Variants in RPS6KA3 observed in about 807,000 individuals in gnomAD.
RPS6KA3 encodes the protein ribosomal protein S6 kinase alpha-3.
In RPS6KA3, 4 loss-of-function variants were observed where a neutral mutation model predicts 67.2. The observed-to-expected ratio is 0.06, with a 90% CI of 0.03 to 0.14. RPS6KA3 has a LOEUF of 0.14. RPS6KA3 is among the 10% of genes least tolerant of loss of function. The pLI is 1.00. For synonymous variants in RPS6KA3, 182 were observed against 183.7 expected (o/e 0.99, Z 0.07); for missense variants, 204 against 559.0 (o/e 0.36, Z 6.40).
At chrX:20,241,514 G>A (rs746254319) in intron 1 of RPS6KA3, 1 of 103,947 alleles carries the variant, frequency 9.6e-6, no homozygotes, top group Non-Finnish European at 2.0e-5. Flanking sequence ...AATAACAGAT[G>A]TTCCTAAAGA....
chrX:20,248,368 G>A (rs1232848328), intron 1 of RPS6KA3, among the ~76,000 whole-genome samples: 1 of 112,596 alleles, frequency 8.9e-6, no homozygotes, highest in Non-Finnish European at 1.9e-5. Flanking sequence ...CATGATGCTG[G>A]TTATTGGTTT....
At chrX:20,222,742 G>A (rs1256853502) in intron 2 of RPS6KA3, among the ~76,000 whole-genome samples, 1 of 111,374 alleles carries the variant, frequency 9.0e-6, no homozygotes, top group East Asian at 2.8e-4. Flanking sequence ...TGTCCAATGC[G>A]GTATCATTAG....
At chrX:20,212,100 G>A (rs780083933) in intron 2 of RPS6KA3, among the ~76,000 whole-genome samples, 1 of 111,738 alleles carries the variant, frequency 8.9e-6, no homozygotes, top group South Asian at 3.7e-4. Flanking sequence ...CTTAAATAGT[G>A]TGAGCTACAA....
rs747557828 is a variant in RPS6KA3, at chrX:20,234,866, T to TA, written c.70-53dup. ...TTACCAAAACAGACCTCACATCAGT[T>TA]AAAGTTAAATGAAGGCAGACAAAAA... On this transcript the variant is annotated intron_variant, in intron 1 of 21. Transcript: ENST00000379565. 16 of 957,162 alleles carry TA rather than the reference T, an allele frequency of 1.7e-5. No homozygotes were observed. In the African/African-American group the frequency reaches 1.8e-4, roughly 11 times the overall value. The allele number at this position is 957,162 out of a possible 1,213,427, so 78.9% of individuals were successfully genotyped here.
chrX:20,153,599 A>G lies in RPS6KA3; in HGVS notation c.*1799T>C, dbSNP rs2067137295. ...GCTTATTACATGATGACTAACAAAA[A>G]TCTGTATGAGTACATTCTTTTTTTT... On this transcript the variant is annotated 3_prime_UTR_variant, in exon 22 of 22. Transcript: ENST00000379565. 9.1e-6 allele frequency: 1 copy of G among 110,287 alleles called. No homozygotes were observed. Among genetic ancestry groups the G allele is most frequent in the Non-Finnish European group, 1.9e-5 (1 of 52,744 alleles). 9.1% of individuals were successfully genotyped at this position (110,287 alleles called of 1,213,427 possible).
At chrX:20,248,830 C>G (rs1037730920) in intron 1 of RPS6KA3, among the ~76,000 whole-genome samples, 2 of 111,968 alleles carry the variant, frequency 1.8e-5, no homozygotes, top group East Asian at 5.5e-4. Flanking sequence ...GTACAATGCA[C>G]AGATCCTACT....
intron 16 of RPS6KA3, among the ~76,000 whole-genome samples, chrX:20,168,452 T>C (rs2067493401): frequency 9.0e-6 from 1 of 111,046 alleles, no homozygotes; most frequent in Non-Finnish European, 1.9e-5. Context: ...GAGCATCAGG[T>C]GTATGAGAAA....
intron 20 of RPS6KA3, among the ~76,000 whole-genome samples, chrX:20,161,092 C>T (rs991133146): frequency 8.9e-6 from 1 of 111,813 alleles, no homozygotes; most frequent in African/African-American, 3.3e-5. Context: ...CATGCAGATG[C>T]TATGAAACTA....
Position 20,175,188 on chromosome X carries a change from T to G in RPS6KA3, c.1203A>C (p.Thr401=), listed in dbSNP as rs1347292321. The G allele has an allele frequency of 5.0e-6, 6 of 1,206,568 alleles. No homozygotes were observed. Among genetic ancestry groups the G allele is most frequent in the Non-Finnish European group, 6.7e-6 (6 of 891,528 alleles). ...TSDDESQAMQ[T]VGVHSIVQQL... is the part of the protein sequence containing the mutation. ...CCTGAACAATTGAATGTACACCAACTGTCTGCATAGCTTGGCTTTCATCAT... is the reference window on the plus strand; with the variant it reads ...CCTGAACAATTGAATGTACACCAACGGTCTGCATAGCTTGGCTTTCATCAT... Residue 401 remains threonine (T), a synonymous_variant, in exon 14 of 22, where the codon ACA becomes ACC. Transcript: ENST00000379565.
intron 1 of RPS6KA3, among the ~76,000 whole-genome samples, chrX:20,239,630 G>A (rs976620688): frequency 9.0e-6 from 1 of 111,640 alleles, no homozygotes; most frequent in African/African-American, 3.2e-5. Context: ...TACTTTGTTA[G>A]CCTGAAATGT....
chrX:20,219,015 A>T (rs1264451806), intron 2 of RPS6KA3: 1 of 410,070 alleles, frequency 2.4e-6, no homozygotes, highest in African/African-American at 2.5e-5. Flanking sequence ...TCCTGTGGTA[A>T]AAGAAAGAAG....
chrX:20,223,315 G>A (rs2069030465), intron 2 of RPS6KA3, among the ~76,000 whole-genome samples: 1 of 111,159 alleles, frequency 9.0e-6, no homozygotes, highest in Admixed American at 9.6e-5. Flanking sequence ...TATGTTTTGG[G>A]ACAACTTAAA....
At chrX:20,174,704 C>T (rs1018390210) in intron 14 of RPS6KA3, among the ~76,000 whole-genome samples, 8 of 110,114 alleles carry the variant, frequency 7.3e-5, no homozygotes, top group Admixed American at 2.9e-4. Context: ...GCAACCTTTT[C>T]GATGACATAT....
chrX:20,155,162 A>C lies in RPS6KA3; in HGVS notation c.*236T>G. On this transcript the variant is annotated 3_prime_UTR_variant, in exon 22 of 22. Coordinates refer to ENST00000379565, the MANE Select transcript of RPS6KA3 (RefSeq NM_004586.3). ...TATTTTTCTCATTGATTCAGTGACT[A>C]TATCTTCATCATGTTTCCATTTTCA... The C allele has an allele frequency of 2.4e-6, 1 of 418,242 alleles. No homozygotes were observed. The highest frequency in any genetic ancestry group is 3.3e-5 in the South Asian group (1 of 30,465). 34.5% of individuals were successfully genotyped at this position (418,242 alleles called of 1,213,427 possible). A position where few individuals can be genotyped will look rare whatever the true frequency, so the allele number is the denominator to read the frequency against.
At position 20,176,877 on chromosome X, in the gene RPS6KA3, C is replaced by T. The variant is rs191224220; in HGVS notation, c.934+119G>A. The T allele has an allele frequency of 2.6e-5, 15 of 566,596 alleles. No individual in the cohort carries two copies. Among genetic ancestry groups the T allele is most frequent in the East Asian group, 2.2e-4 (6 of 27,654 alleles). The allele number at this position is 566,596 out of a possible 1,213,427, so 46.7% of individuals were successfully genotyped here. A position where few individuals can be genotyped will look rare whatever the true frequency, so the allele number is the denominator to read the frequency against. On this transcript the variant is annotated intron_variant, in intron 11 of 21. Transcript: ENST00000379565. Reference sequence around the variant, plus strand: ...AAAGTGCTGGGATTACAGGCGTGAGCCACCAGGCCTAGCCTTGTCTAAATA... The same window carrying T: ...AAAGTGCTGGGATTACAGGCGTGAGTCACCAGGCCTAGCCTTGTCTAAATA...
Position 20,194,177 on chromosome X carries a change from T to C in RPS6KA3, c.486+12A>G, listed in dbSNP as rs1332674106. 1.9e-6 allele frequency: 2 copies of C among 1,069,679 alleles called. No homozygotes were observed. The highest frequency in any genetic ancestry group is 2.6e-6 in the Non-Finnish European group (2 of 767,488). The allele number at this position is 1,069,679 out of a possible 1,213,427, so 88.2% of individuals were successfully genotyped here. A position where few individuals can be genotyped will look rare whatever the true frequency, so the allele number is the denominator to read the frequency against. On this transcript the variant is annotated intron_variant, in intron 6 of 21. Coordinates refer to ENST00000379565, the MANE Select transcript of RPS6KA3 (RefSeq NM_004586.3). ...CATGTAAATAGACTAAAAATAGAGA[T>C]TAATTATATACCTCTTTGGATAAGC... is the stretch of plus-strand genomic sequence containing the variant.
chrX:20,151,311 C>A lies in RPS6KA3; in HGVS notation c.*4087G>T, dbSNP rs749374482. 8.9e-6 allele frequency: 1 copy of A among 112,683 alleles called. No homozygotes were observed. Among genetic ancestry groups the A allele is most frequent in the Non-Finnish European group, 1.9e-5 (1 of 53,295 alleles). The allele number at this position is 112,683 out of a possible 1,213,427, so 9.3% of individuals were successfully genotyped here. A position where few individuals can be genotyped will look rare whatever the true frequency, so the allele number is the denominator to read the frequency against. ...AGTCCCAATAAAGTGAATTTCATTC[C>A]TTCATTAATTGGTCTCCACCAATGG... On this transcript the variant is annotated 3_prime_UTR_variant, in exon 22 of 22. Coordinates refer to ENST00000379565, the MANE Select transcript of RPS6KA3 (RefSeq NM_004586.3).
chrX:20,176,560 T>G, intron 11 of RPS6KA3, 62 bp from the exon 12 acceptor site: 4 of 724,662 alleles, frequency 5.5e-6, no homozygotes, highest in Non-Finnish European at 8.6e-6. Context: ...TTGCTCAGCC[T>G]TTGTTTTCAA....
intron 17 of RPS6KA3, among the ~76,000 whole-genome samples, chrX:20,167,336 CTA>C (rs774124225): frequency 9.0e-6 from 1 of 111,662 alleles, no homozygotes; most frequent in South Asian, 3.7e-4. Context: ...AGAAACAATG[CTA>C]TGTTTTCCAG....
Sources: allele counts gnomAD v4.1 joint callset (sites outside exome capture counted in the v4.1 genomes callset), GRCh38; gene constraint gnomAD v4.1.1; transcripts MANE v1.5; gene names NCBI Gene and HGNC (gene_info 2026-07-23, HGNC 2026-07-21).